Variants in P4HA1 observed in about 807,000 individuals in gnomAD.
P4HA1 encodes the protein prolyl 4-hydroxylase subunit alpha-1.
A neutral mutation model predicts 72.8 loss-of-function variants in P4HA1; 24 were observed. The ratio of observed to expected loss-of-function variants is 0.33; its 90% CI spans 0.24 to 0.46. P4HA1 has a LOEUF of 0.46. P4HA1 is among the 20% of genes least tolerant of loss of function. The pLI is 1.00. For synonymous variants in P4HA1, 201 were observed against 218.8 expected (o/e 0.92, Z 0.72); for missense variants, 446 against 640.6 (o/e 0.70, Z 3.28).
At chr10:73,033,165 GCAAC>G (rs767929305) in intron 9 of P4HA1, among the ~76,000 whole-genome samples, 90 of 152,146 alleles carry the variant, frequency 5.9e-4, no homozygotes, top group Non-Finnish European at 9.4e-4. Context: ...AACTTTATAA[GCAAC>G]CAACCAACTA....
chr10:73,078,000 A>G (rs1841739085), intron 1 of P4HA1, among the ~76,000 whole-genome samples: 1 of 151,352 alleles, frequency 6.6e-6, no homozygotes, highest in Non-Finnish European at 1.5e-5. Context: ...AAAAAAAAAA[A>G]AAGAGAGAAA....
At chr10:73,066,896 C>T (rs986023353) in intron 5 of P4HA1, among the ~76,000 whole-genome samples, 7 of 152,148 alleles carry the variant, frequency 4.6e-5, no homozygotes, top group African/African-American at 7.2e-5. Flanking sequence ...CGTAGCCATG[C>T]GGAACTGTGA....
intron 12 of P4HA1, among the ~76,000 whole-genome samples, chr10:73,012,805 A>G (rs763046702): frequency 1.3e-5 from 2 of 151,874 alleles, no homozygotes; most frequent in Admixed American, 6.6e-5. Flanking sequence ...TTTTATTTTT[A>G]TTTTTTGAGA....
chr10:73,084,078 T>C (rs1267258551), intron 1 of P4HA1, among the ~76,000 whole-genome samples: 3 of 152,236 alleles, frequency 2.0e-5, no homozygotes, highest in African/African-American at 7.2e-5. Flanking sequence ...AATACCACCA[T>C]CAATCCCTTT....
In P4HA1 at chr10:73,051,198, A is replaced by G; in HGVS notation, c.755T>C (p.Met252Thr). 6.2e-7 allele frequency: 1 copy of G among 1,607,050 alleles called. No individual in the cohort carries two copies. Among genetic ancestry groups the G allele is most frequent in the Non-Finnish European group, 8.5e-7 (1 of 1,173,758 alleles). Residue 252 changes from methionine (M) to threonine (T), a missense_variant, in exon 7 of 15, where the codon ATG becomes ACG. By Grantham distance (81) the Met-to-Thr change is moderately conservative. Coordinates refer to ENST00000394890, the MANE Select transcript of P4HA1 (RefSeq NM_001017962.3). ...CTTATTGACATCTTTTTCTTTAGCC[A>G]TTATATACTCAAAATATTTTAAGTT... is the stretch of plus-strand genomic sequence containing the variant. ...NGNLKYFEYI[M>T]AKEKDVNKSA...
chr10:73,053,413 G>A lies in P4HA1; in HGVS notation c.641C>T (p.Ala214Val), dbSNP rs200760249. 39 of 1,613,536 alleles carry A rather than the reference G, an allele frequency of 2.4e-5. No homozygotes were observed. Among genetic ancestry groups the A allele is most frequent in the African/African-American group, 6.7e-5 (5 of 74,908 alleles). ...ATCCAGGTCTCCCTGCTGATATACC[G>A]CATAGCTCAAATAATCTAGAACAGA... ...KVSVLDYLSY[A>V]VYQQGDLDKA... Residue 214 changes from alanine to valine, a missense_variant, in exon 6 of 15, where the codon GCG (alanine) becomes GTG (valine). Physicochemically the swap from Ala to Val is moderately conservative, Grantham distance 64. Transcript: ENST00000394890.
chr10:73,050,349 T>C (rs576599571), intron 7 of P4HA1, among the ~76,000 whole-genome samples: 4 of 152,066 alleles, frequency 2.6e-5, no homozygotes, highest in Non-Finnish European at 5.9e-5. Context: ...TTACTAATAA[T>C]TGGAACATAT....
At chr10:73,008,748 T>C (rs1839846933) in intron 14 of P4HA1, among the ~76,000 whole-genome samples, 1 of 152,140 alleles carries the variant, frequency 6.6e-6, no homozygotes, top group South Asian at 2.1e-4. Context: ...ATTGCTATTG[T>C]ATGCTCATCA....
At chr10:73,037,278 CT>C (rs369185133) in intron 9 of P4HA1, among the ~76,000 whole-genome samples, 1 of 142,534 alleles carries the variant, frequency 7.0e-6, no homozygotes, top group African/African-American at 2.6e-5. Flanking sequence ...CATTTCTATG[CT>C]TTTTTCCTTT....
intron 9 of P4HA1, among the ~76,000 whole-genome samples, chr10:73,032,297 C>A (rs1282249167): frequency 6.6e-6 from 1 of 152,230 alleles, no homozygotes. Flanking sequence ...AATCTCTGAA[C>A]CCACTGTAAT....
Position 73,031,790 on chromosome 10 carries a change from G to T in P4HA1, c.1149-1420C>A, listed in dbSNP as rs116862299. ...TAAAAGCGTGAATTTTATGATACGG[G>T]AACTATATCTCAATTTTAAATGGTA... On this transcript the variant is annotated intron_variant, in intron 9 of 14. Transcript: ENST00000394890. Among the ~76,000 whole-genome samples, 1,513 of 152,126 alleles carry T rather than the reference G, an allele frequency of 9.9e-3. 18 individuals carry two copies. Among genetic ancestry groups the T allele is most frequent in the South Asian group, 0.031 (147 of 4,814 alleles).
At chr10:73,018,618 CTGGTGCCTCATCCAGGGCACCTCATCA>C (rs1402811493) in intron 10 of P4HA1, among the ~76,000 whole-genome samples, 7 of 145,878 alleles carry the variant, frequency 4.8e-5, no homozygotes, top group Non-Finnish European at 7.4e-5. Flanking sequence ...CTACTAGAAC[CTGGTGCCTCATCCAGGGCACCTCATCA>C]TGGTGCCTCA....
At chr10:73,029,993 G>GA (rs539529335) in intron 10 of P4HA1, among the ~76,000 whole-genome samples, 57 of 152,078 alleles carry the variant, frequency 3.7e-4, no homozygotes, top group African/African-American at 1.2e-3. Context: ...CTGGGGGATA[G>GA]AAAAAAAATT....
At chr10:73,040,503 ATC>A (rs1251576733) in intron 9 of P4HA1, among the ~76,000 whole-genome samples, 1 of 135,714 alleles carries the variant, frequency 7.4e-6, no homozygotes, top group Non-Finnish European at 1.5e-5. Context: ...TTTGAGATGG[ATC>A]TCTCTCTGTC....
chr10:73,065,549 C>T (rs1841401142), intron 5 of P4HA1: 1 of 152,162 alleles, frequency 6.6e-6, no homozygotes, highest in Admixed American at 6.5e-5. Context: ...CTCACCCCCA[C>T]CATTTCACAC....
At chr10:73,081,015 G>C (rs1485245056) in intron 1 of P4HA1, among the ~76,000 whole-genome samples, 1 of 152,146 alleles carries the variant, frequency 6.6e-6, no homozygotes, top group African/African-American at 2.4e-5. Flanking sequence ...CTTGCAAAGA[G>C]AATCATTATA....
At position 73,007,690 on chromosome 10, in the gene P4HA1, A is replaced by G. The variant is rs1395112032; in HGVS notation, c.*532T>C. The G allele has an allele frequency of 2.6e-5, 4 of 152,280 alleles. No individual in the cohort carries two copies. Among genetic ancestry groups the G allele is most frequent in the Admixed American group, 6.5e-5 (1 of 15,270 alleles). 9.4% of individuals were successfully genotyped at this position (152,280 alleles called of 1,614,324 possible). The stretch of plus-strand genomic sequence containing the variant: ...AAAATACAGTATACTTTCTTTAAAA[A>G]AGACTTGGGAGGAAAAAAATCAACT... On this transcript the variant is annotated 3_prime_UTR_variant, in exon 15 of 15. Coordinates refer to ENST00000394890, the MANE Select transcript of P4HA1 (RefSeq NM_001017962.3).
chr10:73,043,901 G>A (rs762574032), intron 9 of P4HA1: 3 of 1,610,510 alleles, frequency 1.9e-6, no homozygotes, highest in South Asian at 2.2e-5. Flanking sequence ...TAGATACTCT[G>A]TACTGTGCTG....
intron 10 of P4HA1, among the ~76,000 whole-genome samples, chr10:73,021,614 C>T (rs1057079249): frequency 2.6e-5 from 4 of 152,184 alleles, no homozygotes; most frequent in Admixed American, 2.0e-4. Context: ...AACTGAGGTA[C>T]CTGGTTCATC....
Sources: gnomAD v4.1 joint callset for allele counts (sites outside exome capture counted in the v4.1 genomes callset) on GRCh38, gnomAD v4.1.1 for gene constraint, MANE v1.5 for transcripts, NCBI Gene and HGNC (gene_info 2026-07-23, HGNC 2026-07-21) for gene names.